Variants in CALN1 observed in about 807,000 individuals in gnomAD.
The protein encoded by CALN1 is calcium-binding protein 8.
CALN1 carries 17 observed loss-of-function variants against 30.6 expected under a neutral mutation model. The ratio of observed to expected loss-of-function variants is 0.56; its 90% confidence interval spans 0.38 to 0.83. The LOEUF is 0.83. Among genes scored for constraint, CALN1 ranks in the 40% least tolerant of loss-of-function variants. The pLI, the probability that CALN1 is intolerant of heterozygous loss-of-function variation, is 0.00. For missense variants in CALN1, 291 were observed against 354.9 expected, an observed-to-expected ratio of 0.82 and a Z score of 1.45; for synonymous variants, 156 against 131.4, an observed-to-expected ratio of 1.19 and a Z score of -1.28.
At chr7:72,198,724 G>A (rs890225048) in intron 3 of CALN1, among the ~76,000 whole-genome samples, 1 of 152,210 alleles carries the variant, frequency 6.6e-6, no homozygotes, top group African/African-American at 2.4e-5. Flanking sequence ...GAAAAGAGAA[G>A]CACTCTCAGG....
Position 71,785,551 on chromosome 7 carries a change from T to C in CALN1, c.*2224A>G, listed in dbSNP as rs1430616413. On this transcript the variant is annotated 3_prime_UTR_variant, in exon 7 of 7. Transcript: ENST00000395275. ...GGAGGGGGCTTTGAAGAATCATCCC[T>C]GGGGTTTCTACCCAGTCTACTTAGG... is the stretch of plus-strand genomic sequence containing the variant. 6.6e-6 allele frequency: 1 copy of C among 152,110 alleles called. No homozygotes were observed. The highest frequency in any genetic ancestry group is 1.5e-5 in the Non-Finnish European group (1 of 68,018). 9.4% of individuals were successfully genotyped at this position (152,110 alleles called of 1,614,324 possible).
At chr7:71,924,193 CAAAA>C (rs200454649) in intron 5 of CALN1, among the ~76,000 whole-genome samples, 1 of 76,844 alleles carries the variant, frequency 1.3e-5, no homozygotes. Context: ...AACTCAGTCT[CAAAA>C]AAAAAAAAAA....
intron 3 of CALN1, among the ~76,000 whole-genome samples, chr7:72,157,067 T>C (rs879264516): frequency 3.3e-5 from 5 of 152,200 alleles, no homozygotes; most frequent in Admixed American, 2.0e-4. Flanking sequence ...AATGTACTAA[T>C]TTATTAACAA....
intron 2 of CALN1, among the ~76,000 whole-genome samples, chr7:72,308,372 G>A (rs868737929): frequency 2.2e-5 from 2 of 92,620 alleles, no homozygotes; most frequent in Non-Finnish European, 4.0e-5. Flanking sequence ...TGTGGGGGGG[G>A]GAGAGAGAGA....
At chr7:72,225,256 T>C (rs1793589501) in intron 3 of CALN1, among the ~76,000 whole-genome samples, 1 of 152,048 alleles carries the variant, frequency 6.6e-6, no homozygotes, top group Admixed American at 6.6e-5. Context: ...CTTCCTTCAC[T>C]GAGCACCAGG....
intron 2 of CALN1, among the ~76,000 whole-genome samples, chr7:72,304,608 A>T (rs12670234): frequency 0.46 from 69,707 of 152,034 alleles, 17,182 homozygotes; most frequent in South Asian, 0.68. Flanking sequence ...TATAGCTGCC[A>T]GCGTCTCTTT....
At position 71,846,864 on chromosome 7, in the gene CALN1, A is replaced by G. The variant is rs148332728; in HGVS notation, c.502-36372T>C. On this transcript the variant is annotated intron_variant, in intron 5 of 6. Coordinates refer to ENST00000395275, the MANE Select transcript of CALN1 (RefSeq NM_031468.4). Reference sequence around the variant, plus strand: ...GTATATATTATATATGTATATATGTATGTATATATAATATATACACACATA... The same window carrying G: ...GTATATATTATATATGTATATATGTGTGTATATATAATATATACACACATA... Among the ~76,000 whole-genome samples the G allele has an allele frequency of 6.4e-3, 933 of 146,744 alleles. 10 individuals are homozygous for G. The highest frequency in any genetic ancestry group is 0.021 in the African/African-American group (836 of 40,368).
chr7:72,370,433 T>C (rs1804162060), intron 2 of CALN1, among the ~76,000 whole-genome samples: 1 of 152,060 alleles, frequency 6.6e-6, no homozygotes, highest in African/African-American at 2.4e-5. Flanking sequence ...GGCAGGCGGA[T>C]CACGAGGTCA....
At chr7:71,832,959 G>C (rs574604550) in intron 5 of CALN1, among the ~76,000 whole-genome samples, 1 of 152,098 alleles carries the variant, frequency 6.6e-6, no homozygotes, top group African/African-American at 2.4e-5. Context: ...TCCTGCCCGC[G>C]ATGTCTTGAT....
At chr7:72,475,654 C>CA in the CALN1 span, among the ~76,000 whole-genome samples, 8 of 152,190 alleles carry the variant, frequency 5.3e-5, no homozygotes, top group Non-Finnish European at 1.2e-4. Flanking sequence ...AATTTCATGG[C>CA]ATATGCCTTT....
intron 3 of CALN1, among the ~76,000 whole-genome samples, chr7:72,150,719 G>A (rs1240321036): frequency 6.6e-6 from 1 of 152,220 alleles, no homozygotes; most frequent in Non-Finnish European, 1.5e-5. Flanking sequence ...TCTTGGGCAA[G>A]TTTCTTCCTT....
At chr7:71,903,091 C>A (rs1182919438) in intron 5 of CALN1, among the ~76,000 whole-genome samples, 1 of 151,598 alleles carries the variant, frequency 6.6e-6, no homozygotes, top group Non-Finnish European at 1.5e-5. Context: ...TTAACGGGTA[C>A]AATATACTCT....
chr7:72,399,720 C>G (rs1448330082), intron 2 of CALN1, among the ~76,000 whole-genome samples: 1 of 152,168 alleles, frequency 6.6e-6, no homozygotes, highest in Non-Finnish European at 1.5e-5. Flanking sequence ...AGACATACAT[C>G]TAATAGCTCA....
At chr7:71,853,715 G>T (rs1400171952) in intron 5 of CALN1, among the ~76,000 whole-genome samples, 1 of 152,076 alleles carries the variant, frequency 6.6e-6, no homozygotes, top group Non-Finnish European at 1.5e-5. Context: ...GAGTAGCTGG[G>T]ATTACAGGTG....
intron 2 of CALN1, among the ~76,000 whole-genome samples, chr7:72,339,260 C>A (rs989874020): frequency 2.0e-5 from 3 of 152,134 alleles, no homozygotes; most frequent in Non-Finnish European, 4.4e-5. Flanking sequence ...CTATTATAAA[C>A]AGTGCTGCAA....
chr7:72,278,954 T>C (rs560241866), intron 2 of CALN1, 144 bp from the exon 3 acceptor site: 26 of 1,237,986 alleles, frequency 2.1e-5, no homozygotes, highest in African/African-American at 4.5e-5. Flanking sequence ...AGTCAAGATA[T>C]TTCCAGGGTC....
chr7:72,498,260 A>T, the CALN1 span, among the ~76,000 whole-genome samples: 15 of 152,156 alleles, frequency 9.9e-5, no homozygotes, highest in African/African-American at 2.7e-4. Context: ...GAGAATTTTT[A>T]AAATTTCAAG....
intron 3 of CALN1, among the ~76,000 whole-genome samples, chr7:72,258,166 C>G (rs375680602): frequency 2.0e-5 from 3 of 152,168 alleles, no homozygotes; most frequent in East Asian, 3.9e-4. Flanking sequence ...ATAAAACATC[C>G]AGGATTTGAC....
In CALN1 at chr7:71,946,228, A is replaced by G. The variant is rs540503328; in HGVS notation, c.501+77429T>C. On this transcript the variant is annotated intron_variant, in intron 5 of 6. Coordinates refer to ENST00000395275, the MANE Select transcript of CALN1 (RefSeq NM_031468.4). ...GTTTCTCCAAAGGAGGGAAATCAGA[A>G]TATCTTCATACATTTCTATTTTTGT... 5.3e-5 allele frequency among the ~76,000 whole-genome samples: 8 copies of G among 152,278 alleles called. 2 individuals carry two copies. In the South Asian group the frequency reaches 1.2e-3, roughly 24 times the overall value.
Sources: gnomAD v4.1 joint callset for allele counts (sites outside exome capture counted in the v4.1 genomes callset) on GRCh38, gnomAD v4.1.1 for gene constraint, MANE v1.5 for transcripts, NCBI Gene and HGNC (gene_info 2026-07-23, HGNC 2026-07-21) for gene names.